PTPRO: variants seen among roughly 807,000 people sequenced by gnomAD.
The protein encoded by PTPRO is receptor-type tyrosine-protein phosphatase O.
In PTPRO, 62 loss-of-function variants were observed where a neutral mutation model predicts 145.2. The observed-to-expected ratio is 0.43, with a 90% CI of 0.35 to 0.53. The LOEUF (loss-of-function observed/expected upper bound fraction) is 0.53, where lower values mean the gene tolerates loss of function less well. PTPRO is among the 20% of genes least tolerant of loss of function. PTPRO has a pLI of 0.01. For synonymous variants in PTPRO, 565 were observed against 514.7 expected (o/e 1.10, Z -1.32); for missense variants, 1,345 against 1,482.7 (o/e 0.91, Z 1.53).
At chr12:15,396,824 T>G (rs761508096) in intron 1 of PTPRO, among the ~76,000 whole-genome samples, 2 of 152,186 alleles carry the variant, frequency 1.3e-5, no homozygotes, top group African/African-American at 2.4e-5. Flanking sequence ...ACAATAAAAA[T>G]GGACTTAATC....
chr12:15,559,826 C>T (rs1943726448), intron 16 of PTPRO, among the ~76,000 whole-genome samples: 1 of 152,058 alleles, frequency 6.6e-6, no homozygotes, highest in Non-Finnish European at 1.5e-5. Flanking sequence ...TTAAAATAGG[C>T]TTAAGCATAG....
In PTPRO at chr12:15,479,784, G is replaced by A. The variant is rs191609302; in HGVS notation, c.76-4190G>A. On this transcript the variant is annotated intron_variant, in intron 1 of 26. Coordinates refer to ENST00000281171, the MANE Select transcript of PTPRO (RefSeq NM_030667.3). ...AGATTTCAGGAGGCAGGGAGGTAGGGCACATCTGGCGCTGGTCTCACCCTG... is the reference window on the plus strand; with the variant it reads ...AGATTTCAGGAGGCAGGGAGGTAGGACACATCTGGCGCTGGTCTCACCCTG... Among the ~76,000 whole-genome samples the A allele has an allele frequency of 2.4e-3, 363 of 152,278 alleles. 2 individuals are homozygous for A. The highest frequency in any genetic ancestry group is 8.4e-3 in the African/African-American group (349 of 41,558).
At chr12:15,404,675 G>GA (rs947048590) in intron 1 of PTPRO, among the ~76,000 whole-genome samples, 5 of 151,922 alleles carry the variant, frequency 3.3e-5, no homozygotes, top group Middle Eastern at 6.8e-3. Flanking sequence ...GAGACTAAGA[G>GA]AAAAAAAACC....
chr12:15,457,762 G>C (rs1359816618), intron 1 of PTPRO, among the ~76,000 whole-genome samples: 1 of 151,974 alleles, frequency 6.6e-6, no homozygotes, highest in East Asian at 1.9e-4. Flanking sequence ...CACATACTTT[G>C]TTATATTATT....
rs148751888 is a variant in PTPRO at position 15,389,104 on chromosome 12, A to ATTTT, written c.75+66317_75+66320dup. On this transcript the variant is annotated intron_variant, in intron 1 of 26. Coordinates refer to ENST00000281171, the MANE Select transcript of PTPRO (RefSeq NM_030667.3). ...ACCCTGTCTCGAAAATAAATAAAGA[A>ATTTT]TTTTTTTTTTTTTTTTTGAGACAGA... is the stretch of plus-strand genomic sequence containing the variant. Among the ~76,000 whole-genome samples, 347 of 137,742 alleles carry ATTTT rather than the reference A, an allele frequency of 2.5e-3. 5 individuals carry two copies. The highest frequency in any genetic ancestry group is 9.3e-3 in the African/African-American group (338 of 36,336). 90.4% of individuals were successfully genotyped at this position (137,742 alleles called of 152,430 possible).
intron 1 of PTPRO, among the ~76,000 whole-genome samples, chr12:15,459,578 G>T (rs974129425): frequency 3.3e-5 from 5 of 152,152 alleles, no homozygotes; most frequent in Admixed American, 3.3e-4. Context: ...AGATCCAAGA[G>T]CTTCTAAACT....
chr12:15,353,927 G>T (rs542349518), intron 1 of PTPRO, among the ~76,000 whole-genome samples: 1 of 152,218 alleles, frequency 6.6e-6, no homozygotes, highest in South Asian at 2.1e-4. Context: ...CATCCCACTC[G>T]TTTCCATAAA....
intron 2 of PTPRO, among the ~76,000 whole-genome samples, chr12:15,495,754 A>C (rs1011770310): frequency 2.3e-4 from 35 of 152,190 alleles, no homozygotes; most frequent in African/African-American, 8.4e-4. Flanking sequence ...ATTACAAAAA[A>C]ATTATTCATA....
At position 15,516,745 on chromosome 12, in the gene PTPRO, C is replaced by CTTT; in HGVS notation, c.1586-17_1586-16insTTT. 2 of 1,580,402 alleles carry CTTT rather than the reference C, an allele frequency of 1.3e-6. No individual in the cohort carries two copies. The highest frequency in any genetic ancestry group is 1.7e-6 in the Non-Finnish European group (2 of 1,149,528). On this transcript the variant is annotated splice_polypyrimidine_tract_variant and intron_variant, in intron 8 of 26. Coordinates refer to ENST00000281171, the MANE Select transcript of PTPRO (RefSeq NM_030667.3). ...CTTCTTAACTTTCTTTTTCTACCCC[C>CTTT]TGCCCTCTTCTTTCTAGTTCCCACA...
rs201801081 is a variant in PTPRO at position 15,560,268 on chromosome 12, T to G, written c.2703T>G (p.Ile901Met). The G allele has an allele frequency of 6.4e-7, 1 of 1,569,654 alleles. No homozygotes were observed. The highest frequency in any genetic ancestry group is 8.8e-7 in the Non-Finnish European group (1 of 1,140,436). Residue 901 changes from isoleucine to methionine, a missense_variant, in exon 17 of 27, where the codon ATT becomes ATG. Ile to Met is a conservative substitution (Grantham distance 10). Around this residue, in one of 3 missense-constraint regions of PTPRO, gnomAD observed 1,130 missense variants for 1,214.7 expected, o/e 0.93. Transcript: ENST00000281171. ...LWTDYLLAFYINPWSKNGLKK... is the reference protein window; with the variant it reads ...LWTDYLLAFYMNPWSKNGLKK... Reference sequence around the variant, plus strand: ...CTGATTATCTTTTGGCATTTTATATTAATCCTTGGTAAGTGATTTTTTTTT... The same window carrying G: ...CTGATTATCTTTTGGCATTTTATATGAATCCTTGGTAAGTGATTTTTTTTT...
chr12:15,322,744 G>A lies in PTPRO; in HGVS notation c.18G>A (p.Thr6=). 1.2e-6 allele frequency: 2 copies of A among 1,612,218 alleles called. No individual in the cohort carries two copies. Among genetic ancestry groups the A allele is most frequent in the Admixed American group, 1.7e-5 (1 of 59,978 alleles). The change falls in exon 1 of 27, where the codon ACG becomes ACA. Residue 6 remains threonine, a synonymous_variant. Transcript: ENST00000281171. This position sits in a 1 kb window ranked among gnomAD's most constrained non-coding sequence, Gnocchi z 6.3. ...GCGCAGCGATGGGGCACCTGCCCACGGGGATACACGGCGCCCGCCGCCTCC... is the reference window on the plus strand; with the variant it reads ...GCGCAGCGATGGGGCACCTGCCCACAGGGATACACGGCGCCCGCCGCCTCC... MGHLP[T]GIHGARRLLP... is the part of the protein sequence containing the mutation.
chr12:15,516,980 C>T (rs1323628183), intron 9 of PTPRO, 24 bp downstream of exon 9: 1 of 1,589,834 alleles, frequency 6.3e-7, no homozygotes, highest in South Asian at 1.1e-5. Context: ...AACCAACTGT[C>T]AGTCTTTCCT....
At chr12:15,330,404 A>G (rs1288052929) in intron 1 of PTPRO, among the ~76,000 whole-genome samples, 1 of 152,120 alleles carries the variant, frequency 6.6e-6, no homozygotes, top group Admixed American at 6.5e-5. Context: ...TCTCAAGATA[A>G]CATGTGTGCT....
At chr12:15,453,216 C>G (rs1312611206) in intron 1 of PTPRO, among the ~76,000 whole-genome samples, 6 of 152,010 alleles carry the variant, frequency 3.9e-5, no homozygotes, top group African/African-American at 1.5e-4. Context: ...GTCTCAAACT[C>G]CTGACCTCAG....
chr12:15,402,940 T>C (rs1939540362), intron 1 of PTPRO, among the ~76,000 whole-genome samples: 1 of 152,140 alleles, frequency 6.6e-6, no homozygotes, highest in African/African-American at 2.4e-5. Context: ...CCAAATGCAC[T>C]GTAGAGTCAG....
chr12:15,410,173 T>C (rs1939760031), intron 1 of PTPRO: 1 of 151,986 alleles, frequency 6.6e-6, no homozygotes. Context: ...ACAAGAAGTA[T>C]CAAATGAATA....
chr12:15,547,088 T>C (rs1943312848), intron 13 of PTPRO, among the ~76,000 whole-genome samples: 1 of 152,218 alleles, frequency 6.6e-6, no homozygotes, highest in African/African-American at 2.4e-5. Flanking sequence ...AATATTTGCC[T>C]TCAAAACATT....
intron 6 of PTPRO, among the ~76,000 whole-genome samples, chr12:15,507,896 C>G (rs1942355818): frequency 6.6e-6 from 1 of 152,208 alleles, no homozygotes; most frequent in South Asian, 2.1e-4. Flanking sequence ...TAATAATCAC[C>G]TTAACATGTC....
chr12:15,439,678 C>G, intron 1 of PTPRO: 1 of 442,984 alleles, frequency 2.3e-6, no homozygotes, highest in South Asian at 1.7e-5. Flanking sequence ...ACGGAGCTCA[C>G]TGAGGCAAGG....
Sources: allele counts gnomAD v4.1 joint callset (sites outside exome capture counted in the v4.1 genomes callset), GRCh38; gene constraint gnomAD v4.1.1; regional missense constraint gnomAD v4.1.1; non-coding constraint Gnocchi (gnomAD v3.1); transcripts MANE v1.5; gene names NCBI Gene and HGNC (gene_info 2026-07-23, HGNC 2026-07-21).